Variants in SPTLC3 observed in about 807,000 individuals in gnomAD.
SPTLC3 encodes the protein serine palmitoyltransferase long chain base subunit 3.
Under a neutral mutation model 59.3 loss-of-function variants are expected in SPTLC3, and 36 were observed. The ratio of observed to expected loss-of-function variants is 0.61; its 90% CI spans 0.47 to 0.80. SPTLC3 has a LOEUF of 0.80. SPTLC3 is among the 30% of genes least tolerant of loss of function. The probability of loss-of-function intolerance (pLI) is 0.00; values close to 1 mark genes in which losing one functional copy is unlikely to be tolerated. For synonymous variants in SPTLC3, 257 were observed against 240.8 expected, an observed-to-expected ratio of 1.07 and a Z score of -0.62; for missense variants, 625 against 685.1, an observed-to-expected ratio of 0.91 and a Z score of 0.98.
intron 1 of SPTLC3, among the ~76,000 whole-genome samples, chr20:13,024,658 T>A (rs534856925): frequency 1.3e-5 from 2 of 152,306 alleles, no homozygotes; most frequent in South Asian, 4.1e-4. Context: ...TGTGGAAAGA[T>A]GAACTAAAAC....
chr20:13,164,651 C>A (rs78800731), intron 11 of SPTLC3, 103 bp from the exon 12 acceptor site: 21,607 of 841,880 alleles, frequency 0.026, 333 homozygotes, highest in Middle Eastern at 0.035. Flanking sequence ...AGCTAGCAAA[C>A]TAAGACTGTG....
intron 1 of SPTLC3, among the ~76,000 whole-genome samples, chr20:13,046,088 G>T (rs1485301535): frequency 6.6e-6 from 1 of 152,162 alleles, no homozygotes; most frequent in African/African-American, 2.4e-5. Flanking sequence ...TTAAATTAAG[G>T]TTCTGAGGTC....
intron 1 of SPTLC3, among the ~76,000 whole-genome samples, chr20:13,045,027 ACACACACACC>A (rs1568575873): frequency 7.8e-6 from 1 of 128,270 alleles, no homozygotes; most frequent in South Asian, 2.9e-4. Context: ...ACACACACAC[ACACACACACC>A]CTACTGCACT....
chr20:13,110,600 C>A (rs1027376658), intron 7 of SPTLC3, among the ~76,000 whole-genome samples: 21 of 152,130 alleles, frequency 1.4e-4, no homozygotes, highest in African/African-American at 4.8e-4. Flanking sequence ...TGATGGGTGG[C>A]CCGGATGCCC....
At chr20:13,140,724 C>A (rs2038362416) in intron 9 of SPTLC3, among the ~76,000 whole-genome samples, 1 of 152,032 alleles carries the variant, frequency 6.6e-6, no homozygotes, top group Non-Finnish European at 1.5e-5. Flanking sequence ...ATGTCAAGGT[C>A]TTTTAAGTAA....
intron 2 of SPTLC3, among the ~76,000 whole-genome samples, chr20:13,052,680 A>C (rs956145984): frequency 1.7e-4 from 26 of 152,124 alleles, no homozygotes; most frequent in African/African-American, 6.0e-4. Context: ...TCTGAAGTCA[A>C]CCTGGGACAC....
intron 4 of SPTLC3, among the ~76,000 whole-genome samples, chr20:13,086,395 A>G (rs1428689837): frequency 6.6e-6 from 1 of 152,210 alleles, no homozygotes; most frequent in Non-Finnish European, 1.5e-5. Context: ...CTCACCCTAG[A>G]CCAGTCCAAT....
At chr20:13,112,178 T>C (rs1169597145) in intron 7 of SPTLC3, among the ~76,000 whole-genome samples, 1 of 152,228 alleles carries the variant, frequency 6.6e-6, no homozygotes, top group East Asian at 1.9e-4. Flanking sequence ...CTACTCCACA[T>C]GGCATTGGTT....
At chr20:13,143,211 T>A (rs550916657) in intron 9 of SPTLC3, among the ~76,000 whole-genome samples, 4 of 152,286 alleles carry the variant, frequency 2.6e-5, no homozygotes, top group Admixed American at 1.3e-4. Context: ...TGGCTGTAGG[T>A]GCCGCAGGTC....
chr20:13,059,341 A>G (rs972746586), intron 2 of SPTLC3, among the ~76,000 whole-genome samples: 13 of 152,170 alleles, frequency 8.5e-5, no homozygotes, highest in African/African-American at 3.1e-4. Flanking sequence ...AGAGCTTGCT[A>G]GAACTCTCAG....
Position 13,160,140 on chromosome 20 carries a change from C to A in SPTLC3, c.1545+8C>A, listed in dbSNP as rs775945031. 38 of 1,612,396 alleles carry A rather than the reference C, an allele frequency of 2.4e-5. No individual in the cohort carries two copies. In the Admixed American group the frequency reaches 6.2e-4, roughly 26 times the overall value. Reference sequence around the variant, plus strand: ...CGGGAGATGTTAGACACGGTGAGTACACCACAGGCCAACGGGATCTCAGTA... The same window carrying A: ...CGGGAGATGTTAGACACGGTGAGTAAACCACAGGCCAACGGGATCTCAGTA... On this transcript the variant is annotated splice_region_variant and intron_variant, in intron 11 of 11. Transcript: ENST00000399002.
intron 1 of SPTLC3, among the ~76,000 whole-genome samples, chr20:13,021,189 C>A (rs1985863066): frequency 6.6e-6 from 1 of 152,160 alleles, no homozygotes; most frequent in Non-Finnish European, 1.5e-5. Flanking sequence ...TGATTTTCCT[C>A]TTTATCACTA....
rs745336925 is a variant in SPTLC3, at chr20:13,164,748, T to C, written c.1546-6T>C. Reference sequence around the variant, plus strand: ...TGATAGCTATTGGAAAGCAATCTCATTGCAGGTTTTAGAAGCTCTTGATGA... The same window carrying C: ...TGATAGCTATTGGAAAGCAATCTCACTGCAGGTTTTAGAAGCTCTTGATGA... On this transcript the variant is annotated splice_region_variant and splice_polypyrimidine_tract_variant and intron_variant, in intron 11 of 11. Transcript: ENST00000399002. 6.2e-7 allele frequency: 1 copy of C among 1,611,416 alleles called. No individual in the cohort carries two copies. The highest frequency in any genetic ancestry group is 1.1e-5 in the South Asian group (1 of 90,570).
chr20:13,155,171 G>A (rs1302109502), intron 10 of SPTLC3, among the ~76,000 whole-genome samples: 1 of 151,464 alleles, frequency 6.6e-6, no homozygotes, highest in East Asian at 1.9e-4. Context: ...CTGGGTGACA[G>A]AATGAGACCC....
At chr20:13,115,940 G>T (rs989004800) in intron 7 of SPTLC3, among the ~76,000 whole-genome samples, 1 of 152,148 alleles carries the variant, frequency 6.6e-6, no homozygotes. Flanking sequence ...CAGCCAGATG[G>T]CCAGACTGTC....
chr20:13,144,833 G>A (rs2038471131), intron 9 of SPTLC3, among the ~76,000 whole-genome samples: 1 of 152,134 alleles, frequency 6.6e-6, no homozygotes, highest in Non-Finnish European at 1.5e-5. Context: ...GGAGTGCAGT[G>A]GCGCAATCTT....
chr20:13,080,015 G>T (rs77523068), intron 4 of SPTLC3: 2,789 of 252,504 alleles, frequency 0.011, 85 homozygotes, highest in African/African-American at 0.062. Flanking sequence ...GAAAAGATTC[G>T]GCAAAGTGAA....
At chr20:13,141,332 T>G (rs1303473314) in intron 9 of SPTLC3, among the ~76,000 whole-genome samples, 1 of 152,158 alleles carries the variant, frequency 6.6e-6, no homozygotes, top group East Asian at 1.9e-4. Flanking sequence ...GTCTCTTCTC[T>G]AGGGAAGAGG....
At chr20:13,093,966 C>T (rs1358047395) in intron 6 of SPTLC3, among the ~76,000 whole-genome samples, 3 of 152,140 alleles carry the variant, frequency 2.0e-5, no homozygotes, top group African/African-American at 7.2e-5. Flanking sequence ...TTAGCCTGTT[C>T]CTTAGAAGAA....
Sources: gnomAD v4.1 joint callset for allele counts (sites outside exome capture counted in the v4.1 genomes callset) on GRCh38, gnomAD v4.1.1 for gene constraint, MANE v1.5 for transcripts, NCBI Gene and HGNC (gene_info 2026-07-23, HGNC 2026-07-21) for gene names.